Variants in CFAP46 observed in about 807,000 individuals in gnomAD.
CFAP46 encodes the protein cilia and flagella associated protein 46.
Under a neutral mutation model 325.7 loss-of-function variants are expected in CFAP46, and 245 were observed. The observed-to-expected ratio is 0.75, with a 90% CI of 0.68 to 0.84. The LOEUF (loss-of-function observed/expected upper bound fraction) is 0.84, where lower values mean the gene tolerates loss of function less well. CFAP46 is among the 40% of genes least tolerant of loss of function. The pLI is 0.00. For missense variants in CFAP46, 3,346 were observed against 3,543.0 expected, an observed-to-expected ratio of 0.94 and a Z score of 1.41; for synonymous variants, 1,523 against 1,495.9, an observed-to-expected ratio of 1.02 and a Z score of -0.42.
intron 44 of CFAP46, among the ~76,000 whole-genome samples, chr10:132,842,136 C>T (rs983296458): frequency 5.3e-5 from 8 of 152,152 alleles, no homozygotes; most frequent in Non-Finnish European, 8.8e-5. Context: ...TATTTTTTCC[C>T]TTTTGCAGCT....
chr10:132,869,470 A>T lies in CFAP46; in HGVS notation c.4512-98T>A, dbSNP rs1408814189. ...GCTTCACAGAAAACGGTCAACTAAC[A>T]CATCGAGGCACACTTGGATGGTATT... On this transcript the variant is annotated intron_variant, in intron 32 of 57. Coordinates refer to ENST00000368586, the MANE Select transcript of CFAP46 (RefSeq NM_001200049.3). The surrounding 1 kb of genome is among the most constrained non-coding windows in gnomAD (Gnocchi z 6.2). The T allele has an allele frequency of 1.4e-6, 1 of 736,982 alleles. No individual in the cohort carries two copies. The highest frequency in any genetic ancestry group is 2.0e-6 in the Non-Finnish European group (1 of 488,070). The allele number at this position is 736,982 out of a possible 1,614,324, so 45.7% of individuals were successfully genotyped here.
At chr10:132,885,037 C>A in intron 27 of CFAP46, 66 bp downstream of exon 27, 1 of 1,473,768 alleles carries the variant, frequency 6.8e-7, no homozygotes, top group Non-Finnish European at 9.1e-7. Context: ...AGCTTCTGTC[C>A]ACACGGTTCT....
At chr10:132,937,748 A>G in intron 5 of CFAP46, 73 bp from the exon 6 acceptor site, 18 of 1,511,976 alleles carry the variant, frequency 1.2e-5, no homozygotes, top group Non-Finnish European at 1.6e-5. Flanking sequence ...CAGGTTATTA[A>G]ACCATTACAT....
chr10:132,910,730 C>T (rs1440397162), intron 19 of CFAP46, among the ~76,000 whole-genome samples: 1 of 152,222 alleles, frequency 6.6e-6, no homozygotes, highest in Non-Finnish European at 1.5e-5. Context: ...AACACCTGCT[C>T]CTTGCAAAAC....
rs533539830 is a variant in CFAP46, at chr10:132,823,200, T to C, written c.7118-8286A>G. 3.0e-5 allele frequency among the ~76,000 whole-genome samples: 4 copies of C among 133,660 alleles called. No homozygotes were observed. In the East Asian group the frequency reaches 9.6e-4, roughly 32 times the overall value. 87.7% of individuals were successfully genotyped at this position (133,660 alleles called of 152,430 possible). ...CTGTGCGCTGTGTGCTGATGTGTGC[T>C]GTGTGTGTGCTGATGTGTGCTGTGT... On this transcript the variant is annotated intron_variant, in intron 50 of 57. Coordinates refer to ENST00000368586, the MANE Select transcript of CFAP46 (RefSeq NM_001200049.3).
chr10:132,822,084 G>T (rs377420913), intron 50 of CFAP46, among the ~76,000 whole-genome samples: 1 of 143,152 alleles, frequency 7.0e-6, no homozygotes, highest in African/African-American at 2.8e-5. Context: ...TGTGTGCAGT[G>T]ATGTGTGCTG....
Position 132,877,950 on chromosome 10 carries a change from C to G in CFAP46, c.4143G>C (p.Lys1381Asn). Residue 1381 changes from lysine (K) to asparagine (N), a missense_variant, in exon 30 of 58, where the codon AAG becomes AAC. Transcript: ENST00000368586. The surrounding 1 kb of genome is among the most constrained non-coding windows in gnomAD (Gnocchi z 5.7). ...KEKEKERSKE[K>N]ENERSKEKDK... is the part of the protein sequence containing the mutation. ...CCTTCTCTTTACTCCTCTCATTCTC[C>G]TTCTCTTTACTCCTCTCCTTCTCCT... The G allele has an allele frequency of 2.6e-6, 4 of 1,549,190 alleles. No homozygotes were observed. Among genetic ancestry groups the G allele is most frequent in the Non-Finnish European group, 3.5e-6 (4 of 1,146,730 alleles).
At chr10:132,822,543 G>A (rs1382157099) in intron 50 of CFAP46, among the ~76,000 whole-genome samples, 5 of 128,714 alleles carry the variant, frequency 3.9e-5, no homozygotes, top group African/African-American at 9.0e-5. Flanking sequence ...GTGTGCTGAC[G>A]TGTGCTGTGT....
intron 54 of CFAP46, among the ~76,000 whole-genome samples, chr10:132,813,128 G>A (rs919603143): frequency 3.9e-5 from 6 of 152,114 alleles, no homozygotes; most frequent in Non-Finnish European, 7.4e-5. Context: ...GGACTTCTAC[G>A]CTGGAATGAA....
rs572401008 is a variant in CFAP46, at chr10:132,846,330, G to A, written c.6268-103C>T. 1.9e-4 allele frequency: 261 copies of A among 1,387,674 alleles called. 1 individual carries two copies. The African/African-American group carries it at 3.3e-3, about 18-fold the overall frequency. 86.0% of individuals were successfully genotyped at this position (1,387,674 alleles called of 1,614,324 possible). On this transcript the variant is annotated intron_variant, in intron 43 of 57. Transcript: ENST00000368586. Reference sequence around the variant, plus strand: ...GCAGCTGCAGCCTGGGAGCAGGAGTGGGCTGGCTCTCCTGGCAAGGCTCCC... The same window carrying A: ...GCAGCTGCAGCCTGGGAGCAGGAGTAGGCTGGCTCTCCTGGCAAGGCTCCC...
intron 33 of CFAP46, 76 bp from the exon 34 acceptor site, chr10:132,867,583 C>A: frequency 6.7e-7 from 1 of 1,500,692 alleles, no homozygotes; most frequent in Non-Finnish European, 8.9e-7. Flanking sequence ...ACCAAAGAAA[C>A]GCAAACGAAA....
intron 24 of CFAP46, among the ~76,000 whole-genome samples, chr10:132,894,673 T>C (rs572824933): frequency 3.3e-5 from 5 of 152,138 alleles, no homozygotes; most frequent in Non-Finnish European, 7.4e-5. Context: ...AAAAGGATTA[T>C]AAGAAAATCC....
intron 17 of CFAP46, among the ~76,000 whole-genome samples, chr10:132,913,492 C>T (rs1407030381): frequency 1.3e-5 from 2 of 152,224 alleles, no homozygotes; most frequent in Non-Finnish European, 2.9e-5. Context: ...GGAGCGCGAA[C>T]CCTATTGCGA....
intron 50 of CFAP46, among the ~76,000 whole-genome samples, chr10:132,826,566 A>G (rs868398732): frequency 0.031 from 3,271 of 104,154 alleles, 339 homozygotes; most frequent in African/African-American, 0.11. Context: ...CCGGAGCCAC[A>G]GAGACCAGCC....
chr10:132,849,915 A>C (rs1398160758), intron 41 of CFAP46, among the ~76,000 whole-genome samples: 2 of 152,082 alleles, frequency 1.3e-5, no homozygotes, highest in Admixed American at 6.5e-5. Flanking sequence ...GGGACACACC[A>C]GTTGCGTTGC....
In CFAP46 at chr10:132,846,094, C is replaced by A; in HGVS notation, c.6401G>T (p.Gly2134Val). The A allele has an allele frequency of 2.5e-6, 4 of 1,603,238 alleles. No homozygotes were observed. The highest frequency in any genetic ancestry group is 2.5e-6 in the Non-Finnish European group (3 of 1,178,488). The change falls in exon 44 of 58, where the codon GGC (glycine) becomes GTC (valine). Residue 2134 changes from glycine (G) to valine (V), a missense_variant. Gly to Val is a moderately radical substitution (Grantham distance 109). Coordinates refer to ENST00000368586, the MANE Select transcript of CFAP46 (RefSeq NM_001200049.3). ...RCQDRTTTSL[G>V]ARVEQRLAAV... is the part of the protein sequence containing the mutation. ...GGCCAGCCTCTGCTCCACACGGGCG[C>A]CCAGGCTGGTGGTGGTCCTGTCTTG...
chr10:132,867,823 C>T (rs1212514015), intron 33 of CFAP46, among the ~76,000 whole-genome samples: 3 of 152,198 alleles, frequency 2.0e-5, no homozygotes, highest in African/African-American at 7.2e-5. Flanking sequence ...GCGGGCACCC[C>T]CACCGGAAAG....
At position 132,812,801 on chromosome 10, in the gene CFAP46, G is replaced by GAC; in HGVS notation, c.7483_7484dup (p.Ala2496SerfsTer3). On this transcript the variant is annotated frameshift_variant, in exon 55 of 58. Transcript: ENST00000368586. LOFTEE classifies it high-confidence loss of function. ...ACCTCTCACCTTGCAAGTTCATGGC[G>GAC]ACCAATCTCTCCACTAATATATGGG... The GAC allele has an allele frequency of 1.2e-6, 2 of 1,611,970 alleles. No homozygotes were observed. Among genetic ancestry groups the GAC allele is most frequent in the Non-Finnish European group, 1.7e-6 (2 of 1,179,510 alleles).
rs182709844 is a variant in CFAP46 at position 132,879,195 on chromosome 10, A to G, written c.4005+231T>C. 9.9e-3 allele frequency among the ~76,000 whole-genome samples: 1,501 copies of G among 152,264 alleles called. 16 individuals are homozygous for G. The highest frequency in any genetic ancestry group is 0.043 in the South Asian group (209 of 4,812). ...TGCTGGGAATGTGGAGGGTGCAGGA[A>G]TGAAGAGGGGAGTCTTTTGTTTTGG... On this transcript the variant is annotated intron_variant, in intron 29 of 57. Transcript: ENST00000368586.
Sources: gnomAD v4.1 joint callset for allele counts (sites outside exome capture counted in the v4.1 genomes callset) on GRCh38, gnomAD v4.1.1 for gene constraint, Gnocchi (gnomAD v3.1) non-coding constraint, MANE v1.5 for transcripts, NCBI Gene and HGNC (gene_info 2026-07-23, HGNC 2026-07-21) for gene names.